VGLL4: variants seen among roughly 807,000 people sequenced by gnomAD.
The protein encoded by VGLL4 is transcription cofactor vestigial-like protein 4.
A neutral mutation model predicts 21.0 loss-of-function variants in VGLL4; 7 were observed. The observed-to-expected ratio is 0.33, with a 90% CI of 0.19 to 0.63. The LOEUF is 0.63. VGLL4 is among the 20% of genes least tolerant of loss of function. VGLL4 has a pLI of 0.78. For missense variants in VGLL4, 394 were observed against 425.7 expected (o/e 0.93, Z 0.66); for synonymous variants, 222 against 173.2 (o/e 1.28, Z -2.21).
chr3:11,650,317 C>G (rs866549125), intron 2 of VGLL4, among the ~76,000 whole-genome samples: 7 of 152,112 alleles, frequency 4.6e-5, no homozygotes, highest in Non-Finnish European at 1.0e-4. Flanking sequence ...AGAAGAAAGC[C>G]CAGGCTAATT....
At chr3:11,613,684 CTT>C (rs1421181311) in intron 1 of VGLL4, among the ~76,000 whole-genome samples, 1 of 152,218 alleles carries the variant, frequency 6.6e-6, no homozygotes, top group Non-Finnish European at 1.5e-5. Flanking sequence ...CTTCATCTCT[CTT>C]GAGCCTCTAT....
chr3:11,592,581 T>C (rs2074526162), intron 2 of VGLL4, among the ~76,000 whole-genome samples: 1 of 152,172 alleles, frequency 6.6e-6, no homozygotes, highest in South Asian at 2.1e-4. Context: ...GGTTTGAGAG[T>C]GCTTAGGCTG....
rs773610688 is a variant in VGLL4 at position 11,568,763 on chromosome 3, G to A, written c.273-3744C>T. The A allele has an allele frequency of 8.0e-6, 12 of 1,501,270 alleles. No individual in the cohort carries two copies. Among genetic ancestry groups the A allele is most frequent in the Non-Finnish European group, 9.8e-6 (11 of 1,125,468 alleles). 93.0% of individuals were successfully genotyped at this position (1,501,270 alleles called of 1,614,324 possible). A position where few individuals can be genotyped will look rare whatever the true frequency, so the allele number is the denominator to read the frequency against. The stretch of plus-strand genomic sequence containing the variant: ...CACGCATCCTGCCCGGGAGATGGAA[G>A]TCGCCTCCGCTCCTGGTCAGGACTG... On this transcript the variant is annotated intron_variant, in intron 2 of 4. Coordinates refer to ENST00000430365, the MANE Select transcript of VGLL4 (RefSeq NM_001128219.3). This position sits in a 1 kb window ranked among gnomAD's most constrained non-coding sequence, Gnocchi z 5.9.
intron 2 of VGLL4, among the ~76,000 whole-genome samples, chr3:11,598,144 C>T (rs1168061195): frequency 6.6e-6 from 1 of 152,132 alleles, no homozygotes; most frequent in Non-Finnish European, 1.5e-5. Context: ...CTGTCACAGC[C>T]TCCTGAGTAG....
At chr3:11,656,102 G>C (rs773468109) in intron 2 of VGLL4, among the ~76,000 whole-genome samples, 22 of 152,200 alleles carry the variant, frequency 1.4e-4, no homozygotes, top group Non-Finnish European at 2.2e-4. Context: ...ACAATAAAGA[G>C]ATGATCAAAG....
At chr3:11,701,893 C>G (rs1177664571) in intron 2 of VGLL4, among the ~76,000 whole-genome samples, 1 of 152,114 alleles carries the variant, frequency 6.6e-6, no homozygotes, top group Non-Finnish European at 1.5e-5. Context: ...TATTGTTTAG[C>G]AAGTAATCTT....
At chr3:11,572,153 A>G (rs113982719) in intron 2 of VGLL4, among the ~76,000 whole-genome samples, 21 of 152,176 alleles carry the variant, frequency 1.4e-4, no homozygotes, top group African/African-American at 5.1e-4. Flanking sequence ...GACGTTGAGT[A>G]TCTTTATTAT....
At chr3:11,654,373 G>A (rs2075925191) in intron 2 of VGLL4, among the ~76,000 whole-genome samples, 1 of 152,082 alleles carries the variant, frequency 6.6e-6, no homozygotes, top group Admixed American at 6.6e-5. Flanking sequence ...GCGGAGATGA[G>A]GAAACAGATA....
intron 2 of VGLL4, among the ~76,000 whole-genome samples, chr3:11,586,745 A>G (rs562936141): frequency 6.6e-6 from 1 of 152,302 alleles, no homozygotes; most frequent in African/African-American, 2.4e-5. Flanking sequence ...CAATCTCCCA[A>G]GGATATCCAG....
At position 11,661,473 on chromosome 3, in the gene VGLL4, T is replaced by TTATC. The variant is rs61085478; in HGVS notation, c.64+41497_64+41498insGATA. The stretch of plus-strand genomic sequence containing the variant: ...TTTATTTATTTATTTATCTATTTAT[T>TTATC]TATTTATTTATTTTTGAGAGGAAGT... On this transcript the variant is annotated intron_variant, in intron 2 of 5. Coordinates refer to the VGLL4 transcript ENST00000273038. Among the ~76,000 whole-genome samples the TTATC allele has an allele frequency of 5.5e-3, 390 of 71,246 alleles. 1 individual carries two copies. Among genetic ancestry groups the TTATC allele is most frequent in the African/African-American group, 0.015 (367 of 23,690 alleles). 46.7% of individuals were successfully genotyped at this position (71,246 alleles called of 152,430 possible).
intron 1 of VGLL4, chr3:11,633,801 G>A (rs1045359227): frequency 6.6e-6 from 1 of 152,164 alleles, no homozygotes; most frequent in South Asian, 2.1e-4. Context: ...GAGGCAAAAG[G>A]GCTTACTCAC....
intron 2 of VGLL4, among the ~76,000 whole-genome samples, chr3:11,673,248 AAT>A (rs534797349): frequency 1.3e-5 from 2 of 152,010 alleles, no homozygotes; most frequent in African/African-American, 2.4e-5. Flanking sequence ...AGAAAATTAA[AAT>A]ATATATATAT....
At chr3:11,630,355 G>T (rs2075448990) in intron 1 of VGLL4, among the ~76,000 whole-genome samples, 1 of 152,092 alleles carries the variant, frequency 6.6e-6, no homozygotes, top group African/African-American at 2.4e-5. Context: ...TAAAGATTTA[G>T]AGTTCCTGGC....
At position 11,596,620 on chromosome 3, in the gene VGLL4, A is replaced by C. The variant is rs542776630; in HGVS notation, c.272+5213T>G. Among the ~76,000 whole-genome samples the C allele has an allele frequency of 2.6e-5, 4 of 152,320 alleles. No individual in the cohort carries two copies. In the East Asian group the frequency reaches 7.7e-4, roughly 29 times the overall value. ...AGCTCTTTCCATGGAAAGGATCTAGAAACAGCACTGTTCAATAGAACTTCT... is the reference window on the plus strand; with the variant it reads ...AGCTCTTTCCATGGAAAGGATCTAGCAACAGCACTGTTCAATAGAACTTCT... On this transcript the variant is annotated intron_variant, in intron 2 of 4. Coordinates refer to ENST00000430365, the MANE Select transcript of VGLL4 (RefSeq NM_001128219.3).
intron 1 of VGLL4, among the ~76,000 whole-genome samples, chr3:11,715,137 A>G (rs75496084): frequency 6.6e-6 from 1 of 150,850 alleles, no homozygotes; most frequent in Non-Finnish European, 1.5e-5. Flanking sequence ...TCCGTCTCAA[A>G]AAAAAAAAAA....
chr3:11,646,617 ATTTT>A (rs929890898), upstream of VGLL4, among the ~76,000 whole-genome samples: 1 of 152,184 alleles, frequency 6.6e-6, no homozygotes, highest in South Asian at 2.1e-4. Context: ...GACATGAAGA[ATTTT>A]TTTAATAGTA....
intron 2 of VGLL4, among the ~76,000 whole-genome samples, chr3:11,657,763 C>A (rs1031997876): frequency 6.6e-6 from 1 of 152,080 alleles, no homozygotes. Context: ...CAGTGTTCTA[C>A]GAAACTATTC....
In VGLL4 at chr3:11,557,459, AAAAT is replaced by A. The variant is rs1158604687; in HGVS notation, c.*1093_*1096del. ...TTGTAACAAAGCAGACAGGGATGCA[AAAAT>A]AAATGATGTCAGCCTGCAGCCAAAC... On this transcript the variant is annotated 3_prime_UTR_variant, in exon 5 of 5. Coordinates refer to ENST00000430365, the MANE Select transcript of VGLL4 (RefSeq NM_001128219.3). The A allele has an allele frequency of 6.6e-6, 1 of 152,604 alleles. No individual in the cohort carries two copies. The highest frequency in any genetic ancestry group is 1.5e-5 in the Non-Finnish European group (1 of 68,034). 9.5% of individuals were successfully genotyped at this position (152,604 alleles called of 1,614,324 possible).
chr3:11,659,326 C>CTTTTTTTTTTTTTTTTTTTTTTTTT (rs5846714), intron 2 of VGLL4, among the ~76,000 whole-genome samples: 2 of 70,826 alleles, frequency 2.8e-5, no homozygotes, highest in African/African-American at 5.3e-5. Flanking sequence ...TTTTCTTTTT[C>CTTTTTTTTTTTTTTTTTTTTTTTTT]TTTTTTTTTT....
Sources: allele counts gnomAD v4.1 joint callset (sites outside exome capture counted in the v4.1 genomes callset), GRCh38; gene constraint gnomAD v4.1.1; non-coding constraint Gnocchi (gnomAD v3.1); transcripts MANE v1.5; gene names NCBI Gene and HGNC (gene_info 2026-07-23, HGNC 2026-07-21).